The following NXPH1 variants were observed in gnomAD, a reference collection of about 807,000 sequenced individuals.
NXPH1 encodes neurexophilin 1.
NXPH1 carries 5 observed loss-of-function variants against 23.7 expected under a neutral mutation model. The observed-to-expected ratio is 0.21, with a 90% CI of 0.11 to 0.44. The LOEUF is 0.44. NXPH1 is among the 20% of genes least tolerant of loss of function. The pLI is 0.99. For synonymous variants in NXPH1, 144 were observed against 122.2 expected, an observed-to-expected ratio of 1.18 and a Z score of -1.18; for missense variants, 324 against 321.6, an observed-to-expected ratio of 1.01 and a Z score of -0.06.
chr7:8,465,381 T>C (rs995947444), intron 2 of NXPH1, among the ~76,000 whole-genome samples: 8 of 152,176 alleles, frequency 5.3e-5, no homozygotes, highest in African/African-American at 1.7e-4. Context: ...TTGTGTCTCC[T>C]GAAGGATTAA....
chr7:8,565,763 C>T (rs75511533), intron 2 of NXPH1, among the ~76,000 whole-genome samples: 1 of 151,568 alleles, frequency 6.6e-6, no homozygotes, highest in African/African-American at 2.4e-5. Flanking sequence ...CCTCTTGGCC[C>T]ATCGTTACTT....
chr7:8,587,174 T>A (rs1170048955), intron 2 of NXPH1, among the ~76,000 whole-genome samples: 1 of 152,172 alleles, frequency 6.6e-6, no homozygotes, highest in East Asian at 1.9e-4. Context: ...CTTAATACCT[T>A]TGTGACATTT....
chr7:8,498,795 G>A (rs960269901), intron 2 of NXPH1, among the ~76,000 whole-genome samples: 2 of 152,006 alleles, frequency 1.3e-5, no homozygotes, highest in Non-Finnish European at 2.9e-5. Context: ...GTTGTTCTAA[G>A]AGCTTAGTAA....
At chr7:8,584,839 C>T (rs1280354297) in intron 2 of NXPH1, among the ~76,000 whole-genome samples, 3 of 152,166 alleles carry the variant, frequency 2.0e-5, no homozygotes, top group Non-Finnish European at 2.9e-5. Flanking sequence ...GGCCTTTTCA[C>T]ATTATTCACA....
At chr7:8,640,528 G>A (rs1820289443) in intron 2 of NXPH1, among the ~76,000 whole-genome samples, 1 of 151,818 alleles carries the variant, frequency 6.6e-6, no homozygotes, top group Non-Finnish European at 1.5e-5. Flanking sequence ...CTTTAAATAA[G>A]TAACATAATC....
chr7:8,448,818 GA>G (rs34098217), intron 2 of NXPH1, among the ~76,000 whole-genome samples: 8,280 of 105,818 alleles, frequency 0.078, 543 homozygotes, highest in African/African-American at 0.21. Context: ...TCGTCTCGGG[GA>G]AAAAAAAAAA....
intron 2 of NXPH1, among the ~76,000 whole-genome samples, chr7:8,532,127 T>G (rs2128617413): frequency 6.6e-6 from 1 of 152,270 alleles, no homozygotes; most frequent in Middle Eastern, 3.4e-3. Flanking sequence ...TACAACCCGC[T>G]TTAGCTTACA....
In NXPH1 at chr7:8,673,069, C is replaced by T. The variant is rs562411706; in HGVS notation, c.55-77939C>T. ...AGGTGATATATTGAAAACATCTTAG[C>T]AGGGTTGCTGACAAATAATGAATTC... On this transcript the variant is annotated intron_variant, in intron 2 of 2. Transcript: ENST00000405863. Among the ~76,000 whole-genome samples, 31 of 152,222 alleles carry T rather than the reference C, an allele frequency of 2.0e-4. 2 individuals are homozygous for T. The highest frequency in any genetic ancestry group is 7.0e-4 in the African/African-American group (29 of 41,542).
chr7:8,671,841 G>C (rs1820873119), intron 2 of NXPH1, among the ~76,000 whole-genome samples: 1 of 152,180 alleles, frequency 6.6e-6, no homozygotes, highest in Non-Finnish European at 1.5e-5. Context: ...GAATTTCTCT[G>C]ATGGCTAGTG....
chr7:8,526,001 G>GA (rs35939617), intron 2 of NXPH1, among the ~76,000 whole-genome samples: 75,744 of 151,962 alleles, frequency 0.5, 19,125 homozygotes, highest in Middle Eastern at 0.57. Flanking sequence ...CAGAATGGTA[G>GA]TTCACCAACA....
chr7:8,750,540 T>C (rs10240887), intron 2 of NXPH1, among the ~76,000 whole-genome samples: 105,644 of 152,100 alleles, frequency 0.69, 36,917 homozygotes, highest in East Asian at 0.88. Context: ...AATTTTGAAA[T>C]AGAAAAAGAA....
Position 8,737,961 on chromosome 7 carries a change from G to A in NXPH1, c.55-13047G>A, listed in dbSNP as rs145313902. Reference sequence around the variant, plus strand: ...CTCGTGTATGTTTCATGAAGTTCTCGTGCTGTGTTTTTCAGCTCCATCAGG... The same window carrying A: ...CTCGTGTATGTTTCATGAAGTTCTCATGCTGTGTTTTTCAGCTCCATCAGG... On this transcript the variant is annotated intron_variant, in intron 2 of 2. Transcript: ENST00000405863. Among the ~76,000 whole-genome samples the A allele has an allele frequency of 3.7e-3, 557 of 152,228 alleles. 2 individuals are homozygous for A. The highest frequency in any genetic ancestry group is 0.013 in the African/African-American group (524 of 41,544).
chr7:8,736,849 C>T lies in NXPH1; in HGVS notation c.55-14159C>T, dbSNP rs921592463. On this transcript the variant is annotated intron_variant, in intron 2 of 2. Coordinates refer to ENST00000405863, the MANE Select transcript of NXPH1 (RefSeq NM_152745.3). ...TATATATTTAGGATATTTAGCTCTGCTTGTTACATTGATCCCTTTACCATT... is the reference window on the plus strand; with the variant it reads ...TATATATTTAGGATATTTAGCTCTGTTTGTTACATTGATCCCTTTACCATT... Among the ~76,000 whole-genome samples, 7 of 152,208 alleles carry T rather than the reference C, an allele frequency of 4.6e-5. No homozygotes were observed. In the East Asian group the frequency reaches 9.6e-4, roughly 21 times the overall value.
At chr7:8,742,460 ATACTT>A (rs1303979899) in intron 2 of NXPH1, among the ~76,000 whole-genome samples, 2 of 152,206 alleles carry the variant, frequency 1.3e-5, no homozygotes, top group African/African-American at 4.8e-5. Context: ...AATTCTAACT[ATACTT>A]AAGTTTAAAA....
In NXPH1 at chr7:8,522,913, C is replaced by T. The variant is rs183979792; in HGVS notation, c.54+87146C>T. Reference sequence around the variant, plus strand: ...CCCCTTAGAAAGTGTTACAATGTGTCACAGAGCATTGGCTATGGAGACAGA... The same window carrying T: ...CCCCTTAGAAAGTGTTACAATGTGTTACAGAGCATTGGCTATGGAGACAGA... On this transcript the variant is annotated intron_variant, in intron 2 of 2. Transcript: ENST00000405863. Among the ~76,000 whole-genome samples, 104 of 152,316 alleles carry T rather than the reference C, an allele frequency of 6.8e-4. 1 individual carries two copies. The East Asian group carries it at 0.018, about 26-fold the overall frequency.
intron 2 of NXPH1, among the ~76,000 whole-genome samples, chr7:8,596,481 T>A (rs1819227414): frequency 6.6e-6 from 1 of 152,114 alleles, no homozygotes; most frequent in Non-Finnish European, 1.5e-5. Flanking sequence ...GAATGAACTT[T>A]ACTATTATAT....
intron 2 of NXPH1, among the ~76,000 whole-genome samples, chr7:8,717,591 A>C (rs1779897968): frequency 6.6e-6 from 1 of 152,180 alleles, no homozygotes; most frequent in African/African-American, 2.4e-5. Context: ...TTTTTCACTG[A>C]GAAGTCCAGA....
At chr7:8,740,888 A>G (rs1780349957) in intron 2 of NXPH1, among the ~76,000 whole-genome samples, 1 of 152,092 alleles carries the variant, frequency 6.6e-6, no homozygotes, top group African/African-American at 2.4e-5. Context: ...CATAGTTACC[A>G]TTTTGTGTGT....
intron 2 of NXPH1, among the ~76,000 whole-genome samples, chr7:8,455,869 G>A (rs147131948): frequency 6.6e-6 from 1 of 152,296 alleles, no homozygotes; most frequent in East Asian, 1.9e-4. Flanking sequence ...ATATGAGATG[G>A]CAGGGTTTTC....
Sources: gnomAD v4.1 joint callset for allele counts (sites outside exome capture counted in the v4.1 genomes callset) on GRCh38, gnomAD v4.1.1 for gene constraint, MANE v1.5 for transcripts, NCBI Gene and HGNC (gene_info 2026-07-23, HGNC 2026-07-21) for gene names.